The following ZNF610 variants were observed in gnomAD, a reference collection of about 807,000 sequenced individuals.
The protein encoded by ZNF610 is zinc finger protein 610, also known as zink finger protein.
A neutral mutation model predicts 14.1 loss-of-function variants in ZNF610; 14 were observed. That is an observed-to-expected ratio of 0.99 (90% confidence interval 0.65 to 1.55). ZNF610 has a LOEUF of 1.55. Ranked by LOEUF, ZNF610 falls within the 40% of genes most tolerant of loss-of-function variation. The probability of loss-of-function intolerance (pLI) is 0.00; values close to 1 mark genes in which losing one functional copy is unlikely to be tolerated. For synonymous variants in ZNF610, 185 were observed against 187.6 expected, an observed-to-expected ratio of 0.99 and a Z score of 0.11; for missense variants, 530 against 558.0, an observed-to-expected ratio of 0.95 and a Z score of 0.51.
intron 1 of ZNF610, among the ~76,000 whole-genome samples, chr19:52,342,795 G>A (rs1984749639): frequency 6.6e-6 from 1 of 152,074 alleles, no homozygotes; most frequent in Non-Finnish European, 1.5e-5. Flanking sequence ...AAAGTGCTGA[G>A]ATTACAGGCG....
chr19:52,359,880 T>A (rs901062113), intron 5 of ZNF610, among the ~76,000 whole-genome samples: 1 of 152,186 alleles, frequency 6.6e-6, no homozygotes, highest in Admixed American at 6.5e-5. Flanking sequence ...GTGGCCCCTC[T>A]TTGGGCTCGA....
intron 5 of ZNF610, among the ~76,000 whole-genome samples, chr19:52,364,649 A>G (rs906058536): frequency 1.3e-5 from 2 of 152,136 alleles, no homozygotes; most frequent in African/African-American, 4.8e-5. Context: ...TGCAACCTCC[A>G]TGCCCCGCCT....
chr19:52,355,347 A>C (rs1454736287), intron 5 of ZNF610, among the ~76,000 whole-genome samples: 1 of 152,036 alleles, frequency 6.6e-6, no homozygotes, highest in Non-Finnish European at 1.5e-5. Flanking sequence ...TCTTTTTTGC[A>C]TCTGGGCCCT....
rs115821660 is a variant in ZNF610, at chr19:52,353,739, C to T, written c.121C>T (p.Leu41=). ...IEFSQEEWKS[L]DPGQRALYRD... The stretch of plus-strand genomic sequence containing the variant: ...ATTCTCTCAGGAGGAGTGGAAATCC[C>T]TGGACCCTGGACAGAGGGCTTTATA... The change falls in exon 4 of 6, where the codon CTG becomes TTG. Residue 41 remains leucine (L), a synonymous_variant. Coordinates refer to ENST00000403906, the MANE Select transcript of ZNF610 (RefSeq NM_001161425.2). 4,276 of 1,613,884 alleles carry T rather than the reference C, an allele frequency of 2.6e-3. 115 individuals are homozygous for T. In the African/African-American group the frequency reaches 0.05, roughly 19 times the overall value.
chr19:52,358,420 G>C (rs1203191658), intron 5 of ZNF610, among the ~76,000 whole-genome samples: 2 of 152,178 alleles, frequency 1.3e-5, no homozygotes, highest in Non-Finnish European at 2.9e-5. Context: ...CTGACCTCGT[G>C]ATCCACCCAC....
chr19:52,351,974 C>T (rs1429192829), intron 3 of ZNF610, among the ~76,000 whole-genome samples: 1 of 152,178 alleles, frequency 6.6e-6, no homozygotes, highest in African/African-American at 2.4e-5. Flanking sequence ...CAGGAACTTG[C>T]TAAGGACCTT....
In ZNF610 at chr19:52,336,404, C is replaced by G. The variant is rs1261062794; in HGVS notation, c.-360C>G. Reference sequence around the variant, plus strand: ...AATCCCCGCACCGCTCCCTCCACCCCGTGTAAATTCAGGCGTCTCCGTGAG... The same window carrying G: ...AATCCCCGCACCGCTCCCTCCACCCGGTGTAAATTCAGGCGTCTCCGTGAG... On this transcript the variant is annotated 5_prime_UTR_variant, in exon 1 of 6. Transcript: ENST00000403906. 3 of 186,820 alleles carry G rather than the reference C, an allele frequency of 1.6e-5. No individual in the cohort carries two copies. Among genetic ancestry groups the G allele is most frequent in the East Asian group, 1.8e-4 (1 of 5,490 alleles). The allele number at this position is 186,820 out of a possible 1,614,324, so 11.6% of individuals were successfully genotyped here. A position where few individuals can be genotyped will look rare whatever the true frequency, so the allele number is the denominator to read the frequency against.
intron 1 of ZNF610, among the ~76,000 whole-genome samples, chr19:52,341,499 G>A (rs905526034): frequency 5.9e-5 from 9 of 151,956 alleles, no homozygotes; most frequent in African/African-American, 9.7e-5. Context: ...TAGTAGAGAC[G>A]GGGTTTCACC....
intron 5 of ZNF610, among the ~76,000 whole-genome samples, chr19:52,355,339 T>G (rs985099970): frequency 5.9e-5 from 9 of 152,182 alleles, no homozygotes; most frequent in Non-Finnish European, 1.3e-4. Context: ...TGAGCTACTC[T>G]TTTTTGCATC....
At chr19:52,342,949 C>G (rs1028266955) in intron 1 of ZNF610, among the ~76,000 whole-genome samples, 6 of 152,082 alleles carry the variant, frequency 3.9e-5, no homozygotes, top group Non-Finnish European at 8.8e-5. Context: ...TCCTTATGAT[C>G]TCGTCTTACA....
At chr19:52,334,535 A>G (rs1037177870), upstream of ZNF610, among the ~76,000 whole-genome samples, 1 of 152,058 alleles carries the variant, frequency 6.6e-6, no homozygotes, top group African/African-American at 2.4e-5. Context: ...AAATAAAGTA[A>G]TTTATAAAAT....
chr19:52,330,615 C>A, the ZNF610 span, among the ~76,000 whole-genome samples: 1 of 152,112 alleles, frequency 6.6e-6, no homozygotes, highest in Non-Finnish European at 1.5e-5. Flanking sequence ...TTAGAAGAGG[C>A]TTTTTTATTT....
intron 1 of ZNF610, among the ~76,000 whole-genome samples, chr19:52,346,482 G>A (rs1440810830): frequency 2.6e-5 from 4 of 152,134 alleles, no homozygotes; most frequent in Middle Eastern, 3.4e-3. Flanking sequence ...ATTTTTACTA[G>A]AGGCAGGGTT....
At chr19:52,357,655 A>G (rs1382157252) in intron 5 of ZNF610, among the ~76,000 whole-genome samples, 3 of 150,968 alleles carry the variant, frequency 2.0e-5, no homozygotes, top group Non-Finnish European at 4.4e-5. Flanking sequence ...AAAAAAAAAA[A>G]AAAAAAAAAA....
Position 52,336,371 on chromosome 19 carries a change from G to C in ZNF610, c.-393G>C. ...TACCCGGGATCTGAGAGTCAACACA[G>C]ACCTTGAAATCCCCGCACCGCTCCC... On this transcript the variant is annotated 5_prime_UTR_variant, in exon 1 of 6. Coordinates refer to ENST00000403906, the MANE Select transcript of ZNF610 (RefSeq NM_001161425.2). The C allele has an allele frequency of 4.1e-6, 1 of 244,304 alleles. No individual in the cohort carries two copies. Among genetic ancestry groups the C allele is most frequent in the Non-Finnish European group, 7.8e-6 (1 of 128,148 alleles). The allele number at this position is 244,304 out of a possible 1,614,324, so 15.1% of individuals were successfully genotyped here.
chr19:52,356,032 CT>C (rs1985507206), intron 5 of ZNF610, among the ~76,000 whole-genome samples: 1 of 152,182 alleles, frequency 6.6e-6, no homozygotes, highest in African/African-American at 2.4e-5. Flanking sequence ...CCTGGTCTTT[CT>C]GGTAATCAGC....
chr19:52,354,152 A>G, intron 4 of ZNF610, 99 bp from the exon 5 acceptor site: 1 of 1,506,238 alleles, frequency 6.6e-7, no homozygotes, highest in Non-Finnish European at 9.0e-7. Context: ...GTGAGATATT[A>G]TTCTTGATCC....
chr19:52,365,874 A>T lies in ZNF610; in HGVS notation c.496A>T (p.Lys166Ter). 6.2e-7 allele frequency: 1 copy of T among 1,613,366 alleles called. No homozygotes were observed. The highest frequency in any genetic ancestry group is 8.5e-7 in the Non-Finnish European group (1 of 1,179,840). ...NHRSSVSPLQKISSSFTTHIF... is the reference protein window; with the variant it reads ...NHRSSVSPLQ ...TCGTTCCTCAGTTTCACCACTTCAA[A>T]AAATTTCTTCTAGTTTCACAACACA... Residue 166 changes from lysine (K) to a stop codon, truncating the protein, a stop_gained, in exon 6 of 6, where the codon AAA (lysine) becomes TAA (stop). Coordinates refer to ENST00000403906, the MANE Select transcript of ZNF610 (RefSeq NM_001161425.2). LOFTEE classifies it low-confidence loss of function (END_TRUNC).
upstream of ZNF610, among the ~76,000 whole-genome samples, chr19:52,332,649 G>A (rs1039435822): frequency 6.6e-6 from 1 of 152,178 alleles, no homozygotes; most frequent in Non-Finnish European, 1.5e-5. This position sits in a 1 kb window ranked among gnomAD's most constrained non-coding sequence, Gnocchi z 4.1. Flanking sequence ...CTAATACAAA[G>A]AATTTTATGC....
Sources: gnomAD v4.1 joint callset for allele counts (sites outside exome capture counted in the v4.1 genomes callset) on GRCh38, gnomAD v4.1.1 for gene constraint, Gnocchi (gnomAD v3.1) non-coding constraint, MANE v1.5 for transcripts, NCBI Gene and HGNC (gene_info 2026-07-23, HGNC 2026-07-21) for gene names.